SPG11: variants seen among roughly 807,000 people sequenced by gnomAD.
SPG11 encodes spatacsin.
Under a neutral mutation model 274.0 loss-of-function variants are expected in SPG11, and 222 were observed. The observed-to-expected ratio is 0.81, with a 90% CI of 0.73 to 0.91. SPG11 has a LOEUF of 0.91. SPG11 is among the 40% of genes least tolerant of loss of function. The pLI, the probability that SPG11 is intolerant of heterozygous loss-of-function variation, is 0.00. For synonymous variants in SPG11, 1,144 were observed against 1,039.7 expected (o/e 1.10, Z -1.93); for missense variants, 3,114 against 2,872.7 (o/e 1.08, Z -1.92).
rs1281133135 is a variant in SPG11 at position 44,563,309 on chromosome 15, A to C, written c.7152-8T>G. On this transcript the variant is annotated splice_polypyrimidine_tract_variant and splice_region_variant and intron_variant, in intron 39 of 39. Transcript: ENST00000261866. ...GGCTGATGTTGTTTATATCTAGATAAAGAAACATAATGTACAGGTTAAGAT... is the reference window on the plus strand; with the variant it reads ...GGCTGATGTTGTTTATATCTAGATACAGAAACATAATGTACAGGTTAAGAT... 1.9e-6 allele frequency: 3 copies of C among 1,609,948 alleles called. No individual in the cohort carries two copies. The highest frequency in any genetic ancestry group is 2.7e-5 in the African/African-American group (2 of 74,854).
intron 7 of SPG11, among the ~76,000 whole-genome samples, chr15:44,640,631 C>T (rs1687986821): frequency 6.6e-6 from 1 of 152,178 alleles, no homozygotes; most frequent in African/African-American, 2.4e-5. Context: ...AAGGAAAGAC[C>T]TATGAACAGA....
At chr15:44,610,602 T>G (rs1269879336) in intron 18 of SPG11, among the ~76,000 whole-genome samples, 1 of 152,022 alleles carries the variant, frequency 6.6e-6, no homozygotes, top group Non-Finnish European at 1.5e-5. Flanking sequence ...GGTCTCGAAC[T>G]CCTGACCTCA....
chr15:44,652,503 T>C (rs1362793770), intron 4 of SPG11, among the ~76,000 whole-genome samples: 1 of 152,156 alleles, frequency 6.6e-6, no homozygotes. Flanking sequence ...CTGTCTACTA[T>C]ATTTCAGATG....
At chr15:44,600,762 T>A in intron 20 of SPG11, 130 bp from the exon 21 acceptor site, 1 of 932,766 alleles carries the variant, frequency 1.1e-6, no homozygotes, top group East Asian at 2.6e-5. Context: ...TCACTTTGAA[T>A]CTACCAAAAT....
intron 16 of SPG11, among the ~76,000 whole-genome samples, chr15:44,613,810 T>TAAAA (rs1160662515): frequency 6.6e-6 from 1 of 152,258 alleles, no homozygotes; most frequent in East Asian, 1.9e-4. Flanking sequence ...CCTTGTACTT[T>TAAAA]AAGATACTTC....
chr15:44,662,478 G>A (rs1309819794), intron 1 of SPG11, among the ~76,000 whole-genome samples: 1 of 151,864 alleles, frequency 6.6e-6, no homozygotes, highest in Non-Finnish European at 1.5e-5. Context: ...GACTAGCCTA[G>A]GCAACACAGT....
chr15:44,651,819 G>T lies in SPG11; in HGVS notation c.1128C>A (p.Asn376Lys), dbSNP rs753974440. Residue 376 changes from asparagine to lysine, a missense_variant, in exon 6 of 40, where the codon AAC (asparagine) becomes AAA (lysine). Asn to Lys is a moderately conservative substitution (Grantham distance 94). Coordinates refer to ENST00000261866, the MANE Select transcript of SPG11 (RefSeq NM_025137.4). ...ILHLESPESG[N>K]HSTSVQSWAF... ...CCCAGCTCTGCACACTTGTACTGTG[G>T]TTACCAGATTCAGGTGACTCCAAAT... 3 of 1,614,126 alleles carry T rather than the reference G, an allele frequency of 1.9e-6. No homozygotes were observed. The highest frequency in any genetic ancestry group is 2.5e-6 in the Non-Finnish European group (3 of 1,180,012).
At chr15:44,602,295 T>A (rs1306072185) in intron 20 of SPG11, among the ~76,000 whole-genome samples, 1 of 152,164 alleles carries the variant, frequency 6.6e-6, no homozygotes, top group Admixed American at 6.5e-5. Flanking sequence ...TTATTTCTGA[T>A]CTTAGAGGAA....
intron 16 of SPG11, among the ~76,000 whole-genome samples, chr15:44,615,021 T>C (rs2083558022): frequency 6.6e-6 from 1 of 152,230 alleles, no homozygotes. Context: ...TGCTTAGCAT[T>C]CTCTTGGTAA....
rs144695607 is a variant in SPG11 at position 44,596,852 on chromosome 15, A to G, written c.4093T>C (p.Cys1365Arg). Reference sequence around the variant, plus strand: ...TGCAGCCAATCATTTGCTTTGGCACATTCTCTAAGGTAAGATATGCTTAGT... The same window carrying G: ...TGCAGCCAATCATTTGCTTTGGCACGTTCTCTAAGGTAAGATATGCTTAGT... ...MKLSISYLRE[C>R]AKANDWLQFI... The change falls in exon 24 of 40, where the codon TGT (cysteine) becomes CGT (arginine). Residue 1365 changes from cysteine to arginine, a missense_variant. Coordinates refer to ENST00000261866, the MANE Select transcript of SPG11 (RefSeq NM_025137.4). 8.1e-6 allele frequency: 13 copies of G among 1,613,882 alleles called. No homozygotes were observed. In the African/African-American group the frequency reaches 1.6e-4, roughly 20 times the overall value.
intron 8 of SPG11, among the ~76,000 whole-genome samples, chr15:44,633,237 G>A (rs961677229): frequency 5.4e-5 from 8 of 148,134 alleles, no homozygotes; most frequent in Admixed American, 4.1e-4. Flanking sequence ...AGGCTGAGGT[G>A]GGAGGACTGC....
intron 18 of SPG11, among the ~76,000 whole-genome samples, chr15:44,609,735 C>CT (rs752969781): frequency 0.014 from 1,981 of 140,794 alleles, 49 homozygotes; most frequent in African/African-American, 0.046. Flanking sequence ...CCCCGCCCAG[C>CT]TTTTTTTTTT....
intron 19 of SPG11, among the ~76,000 whole-genome samples, chr15:44,607,326 G>C (rs2083347323): frequency 6.6e-6 from 1 of 152,210 alleles, no homozygotes; most frequent in Non-Finnish European, 1.5e-5. Flanking sequence ...CTGTTGCCCA[G>C]GCTAGAGTGC....
chr15:44,593,005 C>T (rs771842913), intron 26 of SPG11, among the ~76,000 whole-genome samples: 1 of 151,482 alleles, frequency 6.6e-6, no homozygotes, highest in Non-Finnish European at 1.5e-5. Flanking sequence ...AAAAGAAATG[C>T]TATTAGCAAT....
intron 9 of SPG11, 28 bp from the exon 10 acceptor site, chr15:44,628,872 G>T: frequency 6.6e-7 from 1 of 1,521,692 alleles, no homozygotes; most frequent in East Asian, 2.3e-5. Context: ...GTGCCAATTT[G>T]TGTGTGTGTG....
At chr15:44,566,393 A>C in intron 36 of SPG11, 88 bp from the exon 37 acceptor site, 1 of 1,325,668 alleles carries the variant, frequency 7.5e-7, no homozygotes, top group Non-Finnish European at 1.1e-6. Flanking sequence ...GCTAGAATAG[A>C]AACATCCCAG....
chr15:44,649,953 AT>A lies in SPG11; in HGVS notation c.1457-943del, dbSNP rs2084718002. 2.6e-5 allele frequency among the ~76,000 whole-genome samples: 4 copies of A among 152,222 alleles called. No homozygotes were observed. In the South Asian group the frequency reaches 8.3e-4, roughly 32 times the overall value. On this transcript the variant is annotated intron_variant, in intron 6 of 39. Transcript: ENST00000261866. ...TACTTTATATTATCTTGCATAATCA[AT>A]CCTGGAACCTTTAATCATTTACAGA...
intron 18 of SPG11, among the ~76,000 whole-genome samples, chr15:44,609,220 C>T (rs2083397348): frequency 6.6e-6 from 1 of 151,978 alleles, no homozygotes; most frequent in African/African-American, 2.4e-5. Flanking sequence ...CAAGCTCCGC[C>T]TCCCGGGTTC....
chr15:44,567,157 C>T (rs2082326499), intron 36 of SPG11, among the ~76,000 whole-genome samples: 1 of 151,962 alleles, frequency 6.6e-6, no homozygotes, highest in Non-Finnish European at 1.5e-5. Context: ...CAAGACCAGC[C>T]TGGCCAACAT....
Sources: allele counts gnomAD v4.1 joint callset (sites outside exome capture counted in the v4.1 genomes callset), GRCh38; gene constraint gnomAD v4.1.1; transcripts MANE v1.5; gene names NCBI Gene and HGNC (gene_info 2026-07-23, HGNC 2026-07-21).